The following IQCK variants were observed in gnomAD, a reference collection of about 807,000 sequenced individuals.
IQCK encodes IQ motif containing K.
Under a neutral mutation model 28.1 loss-of-function variants are expected in IQCK, and 29 were observed. The observed-to-expected ratio is 1.03, with a 90% CI of 0.77 to 1.41. IQCK has a LOEUF of 1.41. IQCK is among the 40% of genes most tolerant of loss of function. The probability of loss-of-function intolerance (pLI) is 0.00; values close to 1 mark genes in which losing one functional copy is unlikely to be tolerated. For synonymous variants in IQCK, 113 were observed against 115.1 expected (o/e 0.98, Z 0.12); for missense variants, 359 against 314.7 (o/e 1.14, Z -1.07).
At chr16:19,775,752 C>G (rs918919685) in intron 6 of IQCK, among the ~76,000 whole-genome samples, 1 of 150,972 alleles carries the variant, frequency 6.6e-6, no homozygotes. Flanking sequence ...AGGTTCTTAA[C>G]TTTCTCACCT....
chr16:19,727,277 A>T (rs1490055395), intron 1 of IQCK, among the ~76,000 whole-genome samples: 3 of 152,200 alleles, frequency 2.0e-5, no homozygotes, highest in Non-Finnish European at 4.4e-5. Context: ...AGCCTGGGAA[A>T]TTGAAAGTAA....
chr16:19,805,329 C>T (rs1321683417), intron 7 of IQCK, among the ~76,000 whole-genome samples: 2 of 152,126 alleles, frequency 1.3e-5, no homozygotes, highest in East Asian at 1.9e-4. Flanking sequence ...ATTTTTTGAT[C>T]CTTTGCAATT....
intron 6 of IQCK, among the ~76,000 whole-genome samples, chr16:19,766,785 T>A (rs1412693387): frequency 6.6e-6 from 1 of 152,208 alleles, no homozygotes; most frequent in Non-Finnish European, 1.5e-5. Flanking sequence ...GTTGAGAACC[T>A]CTGATTTAGT....
In IQCK at chr16:19,825,292, G is replaced by A. The variant is rs545335344; in HGVS notation, c.691-1734G>A. Among the ~76,000 whole-genome samples, 6 of 151,968 alleles carry A rather than the reference G, an allele frequency of 3.9e-5. No individual in the cohort carries two copies. The highest frequency in any genetic ancestry group is 2.1e-4 in the South Asian group (1 of 4,804). ...TCCCAGCCCTTTGGGAGGCCAAGGC[G>A]GATGGTTCACTTGAGGTCAGGAGTT... is the stretch of plus-strand genomic sequence containing the variant. On this transcript the variant is annotated intron_variant, in intron 7 of 7. Coordinates refer to ENST00000564186, the Ensembl canonical transcript of IQCK. The surrounding 1 kb of genome is among the most constrained non-coding windows in gnomAD (Gnocchi z 4.2).
intron 6 of IQCK, among the ~76,000 whole-genome samples, chr16:19,783,374 A>G (rs2055518031): frequency 6.6e-6 from 1 of 152,122 alleles, no homozygotes. Context: ...GAGTATTACT[A>G]GTATAACAAT....
chr16:19,772,081 A>G (rs2055327989), intron 6 of IQCK, among the ~76,000 whole-genome samples: 1 of 152,206 alleles, frequency 6.6e-6, no homozygotes, highest in South Asian at 2.1e-4. Flanking sequence ...AAGACTGGCA[A>G]AGCTACTCTA....
chr16:19,777,597 G>C (rs2055412773), intron 6 of IQCK, among the ~76,000 whole-genome samples: 1 of 152,168 alleles, frequency 6.6e-6, no homozygotes, highest in Admixed American at 6.5e-5. Context: ...CAAATAGAGG[G>C]AGGAAGGAAA....
intron 4 of IQCK, among the ~76,000 whole-genome samples, chr16:19,745,435 T>G (rs2054897344): frequency 6.6e-6 from 1 of 152,160 alleles, no homozygotes; most frequent in Admixed American, 6.5e-5. Context: ...GAGGTGAGTT[T>G]GACAGGGTCA....
Position 19,837,530 on chromosome 16 carries a change from G to A in IQCK, c.802+10393G>A, listed in dbSNP as rs1311367653. Among the ~76,000 whole-genome samples, 4 of 152,186 alleles carry A rather than the reference G, an allele frequency of 2.6e-5. No individual in the cohort carries two copies. The East Asian group carries it at 7.7e-4, about 29-fold the overall frequency. ...GCTGTTTTCTCCTCTGTTGTGTGGG[G>A]ACAATTAGGATCTGTCACAAAGGGC... On this transcript the variant is annotated intron_variant, in intron 9 of 9. Coordinates refer to the IQCK transcript ENST00000320394.
At chr16:19,830,370 C>CTGGA (rs1391674352), downstream of IQCK, among the ~76,000 whole-genome samples, 2 of 152,190 alleles carry the variant, frequency 1.3e-5, no homozygotes, top group Non-Finnish European at 2.9e-5. Flanking sequence ...GGAGAATAGA[C>CTGGA]TGGAGTTCAT....
intron 7 of IQCK, among the ~76,000 whole-genome samples, chr16:19,819,049 C>T (rs2056028200): frequency 6.6e-6 from 1 of 152,122 alleles, no homozygotes; most frequent in Non-Finnish European, 1.5e-5. Flanking sequence ...TTATCAAAAC[C>T]TGTTGGAGGC....
At chr16:19,846,611 G>A (rs192549935) in intron 9 of IQCK, among the ~76,000 whole-genome samples, 3 of 152,252 alleles carry the variant, frequency 2.0e-5, no homozygotes, top group Non-Finnish European at 2.9e-5. Context: ...CTCATTCAAG[G>A]CTGTCACGTT....
At chr16:19,746,424 T>C (rs1000793204) in intron 4 of IQCK, among the ~76,000 whole-genome samples, 2 of 152,172 alleles carry the variant, frequency 1.3e-5, no homozygotes, top group Admixed American at 6.6e-5. Flanking sequence ...AAATAGTAGG[T>C]CTTAGTTGTT....
chr16:19,816,613 C>T (rs905173229), intron 7 of IQCK, among the ~76,000 whole-genome samples: 1 of 152,134 alleles, frequency 6.6e-6, no homozygotes, highest in Non-Finnish European at 1.5e-5. Context: ...TGGCTAATGC[C>T]TAAAATTATA....
intron 6 of IQCK, among the ~76,000 whole-genome samples, chr16:19,777,275 A>G (rs2055408744): frequency 6.6e-6 from 1 of 152,182 alleles, no homozygotes; most frequent in Admixed American, 6.5e-5. Flanking sequence ...AGGTGAAAAC[A>G]AAAGTGTCAC....
chr16:19,770,189 G>A (rs1290143026), intron 6 of IQCK, among the ~76,000 whole-genome samples: 5 of 152,156 alleles, frequency 3.3e-5, no homozygotes, highest in Non-Finnish European at 7.4e-5. Context: ...GCTGAACCGA[G>A]GGGTAGCCCA....
chr16:19,754,096 C>A (rs2055021264), intron 4 of IQCK, among the ~76,000 whole-genome samples: 1 of 152,082 alleles, frequency 6.6e-6, no homozygotes, highest in South Asian at 2.1e-4. Context: ...CCTGCCTTAT[C>A]AGGGTTCACA....
intron 6 of IQCK, among the ~76,000 whole-genome samples, chr16:19,769,310 G>A (rs920074600): frequency 1.3e-5 from 2 of 152,194 alleles, no homozygotes; most frequent in East Asian, 1.9e-4. Context: ...AAGAATGTGT[G>A]GACATATTTA....
intron 9 of IQCK, among the ~76,000 whole-genome samples, chr16:19,852,167 T>C (rs978222671): frequency 6.6e-6 from 1 of 152,214 alleles, no homozygotes; most frequent in African/African-American, 2.4e-5. Flanking sequence ...AATCATTCTT[T>C]TCCATGCCTT....
Sources: allele counts gnomAD v4.1 joint callset (sites outside exome capture counted in the v4.1 genomes callset), GRCh38; gene constraint gnomAD v4.1.1; non-coding constraint Gnocchi (gnomAD v3.1); transcripts MANE v1.5; gene names NCBI Gene and HGNC (gene_info 2026-07-23, HGNC 2026-07-21).